Variants in STAM2 observed in about 807,000 individuals in gnomAD.
STAM2 encodes signal transducing adaptor molecule 2.
A neutral mutation model predicts 65.6 loss-of-function variants in STAM2; 51 were observed. The observed-to-expected ratio is 0.78, with a 90% confidence interval of 0.62 to 0.98. STAM2 has a LOEUF of 0.98. Among genes scored for constraint, STAM2 ranks in the 50% least tolerant of loss-of-function variants. The pLI is 0.00. For missense variants in STAM2, 584 were observed against 617.8 expected, an observed-to-expected ratio of 0.95 and a Z score of 0.58; for synonymous variants, 198 against 208.4, an observed-to-expected ratio of 0.95 and a Z score of 0.43.
chr2:152,160,755 T>TG (rs1367520350), intron 1 of STAM2, among the ~76,000 whole-genome samples: 5 of 143,068 alleles, frequency 3.5e-5, no homozygotes, highest in Admixed American at 3.4e-4. Context: ...GGGGTGCCTC[T>TG]GCCCGGCCGC....
chr2:152,157,391 G>A (rs893970768), intron 1 of STAM2, among the ~76,000 whole-genome samples: 1 of 152,198 alleles, frequency 6.6e-6, no homozygotes, highest in Non-Finnish European at 1.5e-5. Flanking sequence ...TGCAGATGAG[G>A]CCTCTAAGGA....
chr2:152,127,996 A>C (rs2105530927), intron 11 of STAM2, among the ~76,000 whole-genome samples: 1 of 152,304 alleles, frequency 6.6e-6, no homozygotes, highest in South Asian at 2.1e-4. Context: ...GCCTGGACTG[A>C]GTCCTATCAA....
Position 152,143,970 on chromosome 2 carries a change from TTC to T in STAM2, c.559_560del (p.Glu187AsnfsTer14). 6.2e-7 allele frequency: 1 copy of T among 1,613,542 alleles called. No homozygotes were observed. Among genetic ancestry groups the T allele is most frequent in the Non-Finnish European group, 8.5e-7 (1 of 1,179,826 alleles). On this transcript the variant is annotated frameshift_variant, in exon 7 of 14. Coordinates refer to ENST00000263904, the MANE Select transcript of STAM2 (RefSeq NM_005843.6). LOFTEE classifies it high-confidence loss of function. Reference protein sequence around the residue: ...SLQEQKQQHTETKSLYPSSEI... With the variant: ...SLQEQKQQHTXTKSLYPSSEI... ...CTGAAGATGGATATAAGGATTTTGT[TTC>T]TGTGTGTTGCTGTTTCTGTTCTTGC...
chr2:152,159,773 T>G (rs1689625717), intron 1 of STAM2, among the ~76,000 whole-genome samples: 1 of 152,232 alleles, frequency 6.6e-6, no homozygotes, highest in East Asian at 1.9e-4. Context: ...CTCCCTCTGA[T>G]GACGAGCCAA....
intron 1 of STAM2, among the ~76,000 whole-genome samples, chr2:152,163,815 G>A (rs772667027): frequency 1.3e-5 from 2 of 152,110 alleles, no homozygotes; most frequent in South Asian, 2.1e-4. Context: ...ACTGAAATAC[G>A]CCCTGGTCTC....
chr2:152,137,795 C>A (rs558528765), intron 7 of STAM2, among the ~76,000 whole-genome samples: 1 of 151,482 alleles, frequency 6.6e-6, no homozygotes, highest in East Asian at 1.9e-4. Context: ...TTTTAATGTA[C>A]TATGTGAAAC....
rs779161715 is a variant in STAM2, at chr2:152,133,170, T to C, written c.970+3A>G. 2 of 1,474,542 alleles carry C rather than the reference T, an allele frequency of 1.4e-6. No individual in the cohort carries two copies. Among genetic ancestry groups the C allele is most frequent in the South Asian group, 1.4e-5 (1 of 68,992 alleles). 91.3% of individuals were successfully genotyped at this position (1,474,542 alleles called of 1,614,324 possible). On this transcript the variant is annotated splice_donor_region_variant and intron_variant, in intron 10 of 13. Transcript: ENST00000263904. Reference sequence around the variant, plus strand: ...AAAATAATATAAAATATTCACTAAGTACCTTCTAAATCCAAAAGGTCTTGG... The same window carrying C: ...AAAATAATATAAAATATTCACTAAGCACCTTCTAAATCCAAAAGGTCTTGG...
At position 152,120,509 on chromosome 2, in the gene STAM2, G is replaced by C; in HGVS notation, c.*65C>G. The C allele has an allele frequency of 7.2e-7, 1 of 1,389,242 alleles. No homozygotes were observed. 86.1% of individuals were successfully genotyped at this position (1,389,242 alleles called of 1,614,324 possible). On this transcript the variant is annotated 3_prime_UTR_variant, in exon 14 of 14. Transcript: ENST00000263904. ...AGGGAAAAAAGTTTTAATATTTTCA[G>C]GTTGGTATCACAAGGACTGAATAAT... is the stretch of plus-strand genomic sequence containing the variant.
Position 152,126,239 on chromosome 2 carries a change from CCA to C in STAM2, c.1164_1165del (p.Val390SerfsTer29). On this transcript the variant is annotated frameshift_variant, in exon 12 of 14. Coordinates refer to ENST00000263904, the MANE Select transcript of STAM2 (RefSeq NM_005843.6). LOFTEE classifies it high-confidence loss of function. The stretch of plus-strand genomic sequence containing the variant: ...AAACATGCTCACCTGCATTGGAACC[CCA>C]GATGATGCAGGTGGGTAATGTGCTG... 6.3e-7 allele frequency: 1 copy of C among 1,591,346 alleles called. No homozygotes were observed. The highest frequency in any genetic ancestry group is 8.5e-7 in the Non-Finnish European group (1 of 1,170,036).
At chr2:152,124,905 T>G (rs1297586888) in intron 12 of STAM2, among the ~76,000 whole-genome samples, 4 of 152,354 alleles carry the variant, frequency 2.6e-5, no homozygotes, top group South Asian at 2.1e-4. Context: ...CTAGTAGAGA[T>G]ATATTTTTGT....
intron 1 of STAM2, among the ~76,000 whole-genome samples, chr2:152,174,654 A>T (rs1427055496): frequency 6.6e-6 from 1 of 152,068 alleles, no homozygotes; most frequent in Non-Finnish European, 1.5e-5. Flanking sequence ...CCCATTTCCA[A>T]GTTCTAAAAA....
chr2:152,148,844 A>C (rs1162786911), intron 2 of STAM2, among the ~76,000 whole-genome samples: 1 of 152,188 alleles, frequency 6.6e-6, no homozygotes, highest in Non-Finnish European at 1.5e-5. Context: ...CCATTTCACA[A>C]AAGATCTGTC....
chr2:152,156,786 T>C (rs982020964), intron 1 of STAM2, among the ~76,000 whole-genome samples: 2 of 152,096 alleles, frequency 1.3e-5, no homozygotes, highest in East Asian at 3.9e-4. Context: ...CTATCAGTAA[T>C]AAACAACTTA....
intron 1 of STAM2, among the ~76,000 whole-genome samples, chr2:152,174,029 C>G (rs995463758): frequency 2.6e-5 from 4 of 152,134 alleles, no homozygotes; most frequent in Non-Finnish European, 5.9e-5. Flanking sequence ...GCCTCCTTTA[C>G]AACTGTAGGA....
intron 1 of STAM2, among the ~76,000 whole-genome samples, chr2:152,151,584 T>C (rs1186266585): frequency 6.6e-6 from 1 of 152,180 alleles, no homozygotes; most frequent in Admixed American, 6.5e-5. Flanking sequence ...ATTCATAGAG[T>C]TGTACAACTA....
intron 2 of STAM2, 61 bp downstream of exon 2, chr2:152,150,084 C>G (rs1689413503): frequency 7.8e-6 from 9 of 1,157,362 alleles, no homozygotes; most frequent in Non-Finnish European, 1.2e-5. Context: ...AGTTACATCA[C>G]AAAAAGAGAC....
At chr2:152,132,959 T>A (rs1334366290) in intron 10 of STAM2, among the ~76,000 whole-genome samples, 1 of 152,104 alleles carries the variant, frequency 6.6e-6, no homozygotes, top group African/African-American at 2.4e-5. Flanking sequence ...ACTAGTGGGC[T>A]TAAAGAAATA....
rs75541468 is a variant in STAM2 at position 152,120,161 on chromosome 2, T to G, written c.*413A>C. ...AAAATAATATTTTAATCCTCCTATC[T>G]CATACTGTTTATAAGTATGAGATAC... On this transcript the variant is annotated 3_prime_UTR_variant, in exon 14 of 14. Transcript: ENST00000263904. 4.3e-3 allele frequency: 654 copies of G among 151,280 alleles called. 12 individuals are homozygous for G. In the East Asian group the frequency reaches 0.066, roughly 15 times the overall value. The allele number at this position is 151,280 out of a possible 1,614,324, so 9.4% of individuals were successfully genotyped here.
At chr2:152,165,363 AGAGGTTGCAGTGAGCC>A (rs1230011707) in intron 1 of STAM2, among the ~76,000 whole-genome samples, 1 of 152,020 alleles carries the variant, frequency 6.6e-6, no homozygotes, top group Non-Finnish European at 1.5e-5. Context: ...CCCAGGAGGC[AGAGGTTGCAGTGAGCC>A]GAGATAGCGC....
Sources: allele counts gnomAD v4.1 joint callset (sites outside exome capture counted in the v4.1 genomes callset), GRCh38; gene constraint gnomAD v4.1.1; transcripts MANE v1.5; gene names NCBI Gene and HGNC (gene_info 2026-07-23, HGNC 2026-07-21).